The following PHETA1 variants were observed in gnomAD, a reference collection of about 807,000 sequenced individuals.
PHETA1 encodes the protein PH domain containing endocytic trafficking adaptor 1, also known as sesquipedalian-1.
For missense variants in PHETA1, 348 were observed against 373.5 expected, an observed-to-expected ratio of 0.93 and a Z score of 0.56; for synonymous variants, 155 against 168.9, an observed-to-expected ratio of 0.92 and a Z score of 0.64.
In PHETA1 at chr12:111,361,950, C is replaced by A; in HGVS notation, c.*728G>T. The A allele has an allele frequency of 2.2e-6, 1 of 456,186 alleles. No homozygotes were observed. Among genetic ancestry groups the A allele is most frequent in the Non-Finnish European group, 4.4e-6 (1 of 226,890 alleles). The allele number at this position is 456,186 out of a possible 1,614,324, so 28.3% of individuals were successfully genotyped here. On this transcript the variant is annotated 3_prime_UTR_variant, in exon 3 of 3. Coordinates refer to ENST00000683047, the MANE Select transcript of PHETA1 (RefSeq NM_144671.6). ...GTGAGAGCCACCACGGAGACACAGA[C>A]AGGGCCCGCGGCCAGAGAGCCACTG...
At chr12:111,364,618 G>A (rs1868910103) in intron 2 of PHETA1, among the ~76,000 whole-genome samples, 2 of 152,008 alleles carry the variant, frequency 1.3e-5, no homozygotes. Context: ...CTAAAAAACA[G>A]CCAGGTGAGG....
rs761264446 is a variant in PHETA1 at position 111,363,358 on chromosome 12, G to A, written c.70C>T (p.Leu24=). The change falls in exon 3 of 3, where the codon CTG becomes TTG. Residue 24 remains leucine (L), a synonymous_variant. Coordinates refer to ENST00000683047, the MANE Select transcript of PHETA1 (RefSeq NM_144671.6). This position sits in a 1 kb window ranked among gnomAD's most constrained non-coding sequence, Gnocchi z 7.4. ...CDAPVDNAGF[L]YKKGGRHAAY... Reference sequence around the variant, plus strand: ...GCGTGCCGCCCACCCTTCTTGTACAGGAAGCCTGCATTGTCCACCGGGGCG... The same window carrying A: ...GCGTGCCGCCCACCCTTCTTGTACAAGAAGCCTGCATTGTCCACCGGGGCG... 1 of 1,613,148 alleles carries A rather than the reference G, an allele frequency of 6.2e-7. No homozygotes were observed. The highest frequency in any genetic ancestry group is 8.5e-7 in the Non-Finnish European group (1 of 1,179,976).
Position 111,368,251 on chromosome 12 carries a change from T to C in PHETA1, c.-182+661A>G, listed in dbSNP as rs191008706. Among the ~76,000 whole-genome samples, 414 of 152,092 alleles carry C rather than the reference T, an allele frequency of 2.7e-3. No individual in the cohort carries two copies. The highest frequency in any genetic ancestry group is 6.2e-3 in the South Asian group (30 of 4,810). ...AGCTGTCAAAAAGGCAAATAATTCA[T>C]CCAAGATCTCCAGGGGCACAGCTGG... On this transcript the variant is annotated intron_variant, in intron 1 of 2. Coordinates refer to ENST00000683047, the MANE Select transcript of PHETA1 (RefSeq NM_144671.6). The surrounding 1 kb of genome is among the most constrained non-coding windows in gnomAD (Gnocchi z 5.0).
Position 111,362,402 on chromosome 12 carries a change from C to T in PHETA1, c.*276G>A. The T allele has an allele frequency of 1.2e-6, 1 of 838,520 alleles. No individual in the cohort carries two copies. The highest frequency in any genetic ancestry group is 1.8e-6 in the Non-Finnish European group (1 of 560,394). 51.9% of individuals were successfully genotyped at this position (838,520 alleles called of 1,614,324 possible). A position where few individuals can be genotyped will look rare whatever the true frequency, so the allele number is the denominator to read the frequency against. ...CTCAGGCCAGCCTGGGGCCGGAGTT[C>T]TCAGGAAACCTCCCCCTCAGGCCCT... On this transcript the variant is annotated 3_prime_UTR_variant, in exon 3 of 3. Coordinates refer to ENST00000683047, the MANE Select transcript of PHETA1 (RefSeq NM_144671.6).
Position 111,363,282 on chromosome 12 carries a change from A to T in PHETA1, c.146T>A (p.Phe49Tyr). Residue 49 changes from phenylalanine (F) to tyrosine (Y), a missense_variant, in exon 3 of 3, where the codon TTC (phenylalanine) becomes TAC (tyrosine). Coordinates refer to ENST00000683047, the MANE Select transcript of PHETA1 (RefSeq NM_144671.6). The surrounding 1 kb of genome is among the most constrained non-coding windows in gnomAD (Gnocchi z 7.4). ...FVLRGNMLFY[F>Y]EDAASREPVG... ...GGGCTCACGGCTGGCAGCGTCCTCG[A>T]AGTAGAAGAGCATGTTCCCGCGCAG... 6.2e-7 allele frequency: 1 copy of T among 1,613,120 alleles called. No individual in the cohort carries two copies. Among genetic ancestry groups the T allele is most frequent in the Non-Finnish European group, 8.5e-7 (1 of 1,179,928 alleles).
In PHETA1 at chr12:111,362,761, G is replaced by A. The variant is rs1868713106; in HGVS notation, c.667C>T (p.Pro223Ser). The A allele has an allele frequency of 3.2e-6, 5 of 1,541,026 alleles. No individual in the cohort carries two copies. Among genetic ancestry groups the A allele is most frequent in the Non-Finnish European group, 4.4e-6 (5 of 1,144,960 alleles). ...TAGCACTCGTGCAGCCGGGCGAAGG[G>A]GGCCATGTCCAGGGGCCCGTGGGGT... ...SAPHGPLDMA[P>S]FARLHECYGQ... is the part of the protein sequence containing the mutation. Residue 223 changes from proline (P) to serine (S), a missense_variant, in exon 3 of 3, where the codon CCC becomes TCC. Transcript: ENST00000683047.
chr12:111,365,611 C>T (rs752519761), intron 2 of PHETA1: 10 of 446,518 alleles, frequency 2.2e-5, no homozygotes, highest in African/African-American at 8.0e-5. Context: ...ATGTCCTTTG[C>T]GGGGAAATAG....
At chr12:111,364,696 G>A (rs1196157725) in intron 2 of PHETA1, among the ~76,000 whole-genome samples, 5 of 151,900 alleles carry the variant, frequency 3.3e-5, no homozygotes, top group African/African-American at 1.2e-4. Context: ...CCCAAGAGGC[G>A]GAGGTTGCAG....
rs557208374 is a variant in PHETA1, at chr12:111,360,913, C to G, written c.*1765G>C. On this transcript the variant is annotated 3_prime_UTR_variant, in exon 3 of 3. Coordinates refer to ENST00000683047, the MANE Select transcript of PHETA1 (RefSeq NM_144671.6). ...GCTGAGTCTGCCAGGACACGGGGCT[C>G]TGGGAAGCTCTGAACCCCTCCCATG... is the stretch of plus-strand genomic sequence containing the variant. 1 of 152,836 alleles carries G rather than the reference C, an allele frequency of 6.5e-6. No individual in the cohort carries two copies. Among genetic ancestry groups the G allele is most frequent in the South Asian group, 2.1e-4 (1 of 4,830 alleles). 9.5% of individuals were successfully genotyped at this position (152,836 alleles called of 1,614,324 possible).
In PHETA1 at chr12:111,363,459, G is replaced by A; in HGVS notation, c.-32C>T. 6.3e-7 allele frequency: 1 copy of A among 1,597,852 alleles called. No homozygotes were observed. Among genetic ancestry groups the A allele is most frequent in the Non-Finnish European group, 8.5e-7 (1 of 1,171,182 alleles). ...AATCGCGGGGCCTGGAGGGGAGCCT[G>A]GGGCCTGGACCCCATAGAAGGGCTG... On this transcript the variant is annotated 5_prime_UTR_variant, in exon 3 of 3. Coordinates refer to ENST00000683047, the MANE Select transcript of PHETA1 (RefSeq NM_144671.6). The surrounding 1 kb of genome is among the most constrained non-coding windows in gnomAD (Gnocchi z 7.4).
rs750419787 is a variant in PHETA1, at chr12:111,363,010, G to A, written c.418C>T (p.Gln140Ter). 1.3e-6 allele frequency: 2 copies of A among 1,505,562 alleles called. No individual in the cohort carries two copies. Among genetic ancestry groups the A allele is most frequent in the East Asian group, 2.4e-5 (1 of 40,838 alleles). 93.3% of individuals were successfully genotyped at this position (1,505,562 alleles called of 1,614,324 possible). ...VRGGGGMALPQPQPQSLPLPP... is the reference protein window; with the variant it reads ...VRGGGGMALP ...AAGGGCAGGGACTGGGGCTGGGGCT[G>A]GGGCAGGGCCATGCCACCCCCGCCA... The change falls in exon 3 of 3, where the codon CAG becomes TAG. Residue 140 changes from glutamine to a stop codon, truncating the protein, a stop_gained. Transcript: ENST00000683047. LOFTEE classifies it low-confidence loss of function (END_TRUNC). The surrounding 1 kb of genome is among the most constrained non-coding windows in gnomAD (Gnocchi z 7.4).
chr12:111,361,565 G>T lies in PHETA1; in HGVS notation c.*1113C>A, dbSNP rs1009613007. 6 of 253,250 alleles carry T rather than the reference G, an allele frequency of 2.4e-5. No homozygotes were observed. Among genetic ancestry groups the T allele is most frequent in the Middle Eastern group, 1.5e-3 (1 of 658 alleles). 15.7% of individuals were successfully genotyped at this position (253,250 alleles called of 1,614,324 possible). ...CCCTGGATGAAAAATGGGCACTGTG[G>T]TGAGAAGAAAGGGGACCGGCGGTCA... On this transcript the variant is annotated 3_prime_UTR_variant, in exon 3 of 3. Coordinates refer to ENST00000683047, the MANE Select transcript of PHETA1 (RefSeq NM_144671.6).
intron 1 of PHETA1, 127 bp from the exon 2 acceptor site, chr12:111,366,384 T>G (rs1267746626): frequency 6.5e-6 from 1 of 153,062 alleles, no homozygotes; most frequent in Non-Finnish European, 1.5e-5. Flanking sequence ...CAGTTCACAT[T>G]TTTCTTGGCT....
chr12:111,363,009 TG>T lies in PHETA1; in HGVS notation c.418del (p.Gln140SerfsTer163). 1 of 1,496,844 alleles carries T rather than the reference TG, an allele frequency of 6.7e-7. No individual in the cohort carries two copies. Among genetic ancestry groups the T allele is most frequent in the East Asian group, 2.5e-5 (1 of 40,660 alleles). The allele number at this position is 1,496,844 out of a possible 1,614,324, so 92.7% of individuals were successfully genotyped here. ...CAAGGGCAGGGACTGGGGCTGGGGCTGGGGCAGGGCCATGCCACCCCCGCCA... is the reference window on the plus strand; with the variant it reads ...CAAGGGCAGGGACTGGGGCTGGGGCTGGGCAGGGCCATGCCACCCCCGCCA... Reference protein sequence around the residue: ...VRGGGGMALPQPQPQSLPLPP... With the variant: ...VRGGGGMALPXPQPQSLPLPP... On this transcript the variant is annotated frameshift_variant, in exon 3 of 3. Transcript: ENST00000683047. LOFTEE classifies it low-confidence loss of function (END_TRUNC). This position sits in a 1 kb window ranked among gnomAD's most constrained non-coding sequence, Gnocchi z 7.4.
rs939931252 is a variant in PHETA1 at position 111,362,827 on chromosome 12, G to A, written c.601C>T (p.Pro201Ser). The A allele has an allele frequency of 3.2e-6, 5 of 1,538,848 alleles. No individual in the cohort carries two copies. In the African/African-American group the frequency reaches 5.5e-5, roughly 17 times the overall value. Residue 201 changes from proline to serine, a missense_variant, in exon 3 of 3, where the codon CCC (proline) becomes TCC (serine). Transcript: ENST00000683047. ...WSTEATFRPG[P>S]EPPPPPPRRR... ...CGAGGCGGTGGTGGAGGGGGCTCGG[G>A]TCCAGGCCTGAAGGTGGCCTCAGTG...
In PHETA1 at chr12:111,363,024, C is replaced by T; in HGVS notation, c.404G>A (p.Gly135Asp). The T allele has an allele frequency of 3.2e-6, 3 of 937,570 alleles. No homozygotes were observed. Among genetic ancestry groups the T allele is most frequent in the South Asian group, 2.4e-5 (1 of 41,146 alleles). 58.1% of individuals were successfully genotyped at this position (937,570 alleles called of 1,614,324 possible). A position where few individuals can be genotyped will look rare whatever the true frequency, so the allele number is the denominator to read the frequency against. ...GGGCTGGGGCTGGGGCAGGGCCATG[C>T]CACCCCCGCCACGTACAGCCGCCAG... ...QQLAAVRGGG[G>D]MALPQPQPQS... Residue 135 changes from glycine to aspartate, a missense_variant, in exon 3 of 3, where the codon GGC (glycine) becomes GAC (aspartate). Coordinates refer to ENST00000683047, the MANE Select transcript of PHETA1 (RefSeq NM_144671.6). This position sits in a 1 kb window ranked among gnomAD's most constrained non-coding sequence, Gnocchi z 7.4.
chr12:111,362,650 TCC>T lies in PHETA1; in HGVS notation c.*26_*27del, dbSNP rs911378277. On this transcript the variant is annotated 3_prime_UTR_variant, in exon 3 of 3. Coordinates refer to ENST00000683047, the MANE Select transcript of PHETA1 (RefSeq NM_144671.6). ...TGTCCCAGAGGGCATAGAGCTTGTGTCCCCCTAAAACAGGCGCCCTGGTGGCC... is the reference window on the plus strand; with the variant it reads ...TGTCCCAGAGGGCATAGAGCTTGTGTCCCTAAAACAGGCGCCCTGGTGGCC... 1.4e-5 allele frequency: 21 copies of T among 1,548,866 alleles called. No homozygotes were observed. The African/African-American group carries it at 2.6e-4, about 19-fold the overall frequency.
chr12:111,363,113 G>A lies in PHETA1; in HGVS notation c.315C>T (p.Val105=), dbSNP rs1593004409. Residue 105 remains valine (V), a synonymous_variant, in exon 3 of 3, where the codon GTC becomes GTT. Coordinates refer to ENST00000683047, the MANE Select transcript of PHETA1 (RefSeq NM_144671.6). The surrounding 1 kb of genome is among the most constrained non-coding windows in gnomAD (Gnocchi z 7.4). ...CGAAGCTGGCACGCGACAGGGCCTT[G>A]ACCCAGCCCTCCATGGCATCCTGAC... ...AESQDAMEGW[V]KALSRASFDY... is the part of the protein sequence containing the mutation. 3 of 1,606,122 alleles carry A rather than the reference G, an allele frequency of 1.9e-6. No individual in the cohort carries two copies. Among genetic ancestry groups the A allele is most frequent in the East Asian group, 4.5e-5 (2 of 44,844 alleles).
chr12:111,362,502 C>T lies in PHETA1; in HGVS notation c.*176G>A, dbSNP rs1868672434. On this transcript the variant is annotated 3_prime_UTR_variant, in exon 3 of 3. Transcript: ENST00000683047. The stretch of plus-strand genomic sequence containing the variant: ...TGGGTCACATGGTCCTAAAGGCCCA[C>T]TCAGAATCCAGCACCTTCTCAGAGC... 1 of 1,475,972 alleles carries T rather than the reference C, an allele frequency of 6.8e-7. No homozygotes were observed. Among genetic ancestry groups the T allele is most frequent in the African/African-American group, 1.4e-5 (1 of 70,902 alleles). 91.4% of individuals were successfully genotyped at this position (1,475,972 alleles called of 1,614,324 possible). A position where few individuals can be genotyped will look rare whatever the true frequency, so the allele number is the denominator to read the frequency against.
Sources: allele counts gnomAD v4.1 joint callset (sites outside exome capture counted in the v4.1 genomes callset), GRCh38; gene constraint gnomAD v4.1.1; non-coding constraint Gnocchi (gnomAD v3.1); transcripts MANE v1.5; gene names NCBI Gene and HGNC (gene_info 2026-07-23, HGNC 2026-07-21).